Variants in PTPRG observed in about 807,000 individuals in gnomAD.
PTPRG encodes receptor-type tyrosine-protein phosphatase gamma.
In PTPRG, 102 loss-of-function variants were observed where a neutral mutation model predicts 165.3. The ratio of observed to expected loss-of-function variants is 0.62; its 90% CI spans 0.53 to 0.73. The LOEUF (loss-of-function observed/expected upper bound fraction) is 0.73. Among genes scored for constraint, PTPRG ranks in the 30% least tolerant of loss-of-function variants. PTPRG has a pLI of 0.00. For missense variants in PTPRG, 1,866 were observed against 1,861.4 expected (o/e 1.00, Z -0.05); for synonymous variants, 675 against 669.5 (o/e 1.01, Z -0.13).
At chr3:62,137,940 G>A (rs956120188) in intron 6 of PTPRG, among the ~76,000 whole-genome samples, 29 of 152,210 alleles carry the variant, frequency 1.9e-4, no homozygotes, top group African/African-American at 6.3e-4. Flanking sequence ...AATGGTTATC[G>A]CTGAGTTCTT....
chr3:61,733,468 C>A (rs200552454), intron 1 of PTPRG, among the ~76,000 whole-genome samples: 1 of 117,270 alleles, frequency 8.5e-6, no homozygotes, highest in Non-Finnish European at 1.7e-5. Context: ...GAGCATTTAT[C>A]CCAGAAAGCT....
At chr3:61,631,071 GA>G (rs910839355) in intron 1 of PTPRG, among the ~76,000 whole-genome samples, 4 of 148,680 alleles carry the variant, frequency 2.7e-5, no homozygotes, top group African/African-American at 7.4e-5. Context: ...AAAGAAAAAA[GA>G]AAAAAAAAGT....
Position 61,638,590 on chromosome 3 carries a change from A to AGTTTT in PTPRG, c.85+76219_85+76223dup, listed in dbSNP as rs1559535038. On this transcript the variant is annotated intron_variant, in intron 1 of 29. Coordinates refer to ENST00000474889, the MANE Select transcript of PTPRG (RefSeq NM_002841.4). ...CAGGCACACACCACCATGCCTGGCT[A>AGTTTT]GTTTTTTTTTTTTTTTTTTTTTTTT... Among the ~76,000 whole-genome samples the AGTTTT allele has an allele frequency of 2.2e-4, 11 of 49,424 alleles. No homozygotes were observed. In the East Asian group the frequency reaches 8.7e-3, roughly 39 times the overall value. The allele number at this position is 49,424 out of a possible 152,430, so 32.4% of individuals were successfully genotyped here. A position where few individuals can be genotyped will look rare whatever the true frequency, so the allele number is the denominator to read the frequency against.
intron 2 of PTPRG, among the ~76,000 whole-genome samples, chr3:61,778,478 G>A (rs1249722756): frequency 6.6e-6 from 1 of 152,126 alleles, no homozygotes; most frequent in South Asian, 2.1e-4. Flanking sequence ...ATGGGGGTGG[G>A]TTTGCAAAGG....
intron 1 of PTPRG, among the ~76,000 whole-genome samples, chr3:61,713,001 C>A (rs1179358255): frequency 6.6e-6 from 1 of 152,124 alleles, no homozygotes; most frequent in African/African-American, 2.4e-5. Flanking sequence ...ATACCAACTT[C>A]AGGAATTTTT....
intron 3 of PTPRG, among the ~76,000 whole-genome samples, chr3:61,994,301 G>T (rs1559734833): frequency 6.6e-6 from 1 of 151,888 alleles, no homozygotes; most frequent in Non-Finnish European, 1.5e-5. Flanking sequence ...CTATTGGGAG[G>T]GTTTTTATTT....
At chr3:61,590,960 A>G (rs1486697583) in intron 1 of PTPRG, among the ~76,000 whole-genome samples, 3 of 152,166 alleles carry the variant, frequency 2.0e-5, no homozygotes, top group Non-Finnish European at 4.4e-5. Flanking sequence ...AAATACAAAA[A>G]TTAGCCAGGT....
chr3:61,590,559 T>A (rs1700544403), intron 1 of PTPRG, among the ~76,000 whole-genome samples: 1 of 152,164 alleles, frequency 6.6e-6, no homozygotes, highest in Middle Eastern at 3.2e-3. Context: ...TACGTTTTTT[T>A]CTTAGAACAT....
At chr3:61,654,567 G>A (rs534480334) in intron 1 of PTPRG, among the ~76,000 whole-genome samples, 4 of 151,702 alleles carry the variant, frequency 2.6e-5, no homozygotes, top group South Asian at 2.1e-4. Flanking sequence ...TGTATTTTTA[G>A]TAGAGATGAG....
chr3:61,802,607 A>G (rs1373809330), intron 2 of PTPRG, among the ~76,000 whole-genome samples: 1 of 152,230 alleles, frequency 6.6e-6, no homozygotes, highest in Non-Finnish European at 1.5e-5. Flanking sequence ...TTATCCAGAT[A>G]TAATTGTTAA....
At chr3:61,835,226 C>T (rs1264308613) in intron 2 of PTPRG, among the ~76,000 whole-genome samples, 2 of 152,136 alleles carry the variant, frequency 1.3e-5, no homozygotes, top group Non-Finnish European at 2.9e-5. Flanking sequence ...TCAATATTCT[C>T]TTGAGAGAAA....
intron 4 of PTPRG, among the ~76,000 whole-genome samples, chr3:62,054,808 G>A (rs1227159983): frequency 1.3e-5 from 2 of 152,242 alleles, no homozygotes; most frequent in Non-Finnish European, 2.9e-5. Context: ...ATTCAAAGAT[G>A]TGGTTTTGCA....
chr3:62,017,757 G>A (rs2107752531), intron 4 of PTPRG, among the ~76,000 whole-genome samples: 1 of 152,278 alleles, frequency 6.6e-6, no homozygotes, highest in African/African-American at 2.4e-5. Flanking sequence ...TGTTCTTCCA[G>A]AGTGTAGCTC....
chr3:61,753,219 T>C (rs2033511884), intron 2 of PTPRG, among the ~76,000 whole-genome samples: 1 of 152,210 alleles, frequency 6.6e-6, no homozygotes, highest in African/African-American at 2.4e-5. Flanking sequence ...AAGTTATTGT[T>C]GACATAATAA....
At chr3:61,600,719 T>C (rs1447316040) in intron 1 of PTPRG, among the ~76,000 whole-genome samples, 1 of 152,096 alleles carries the variant, frequency 6.6e-6, no homozygotes, top group Non-Finnish European at 1.5e-5. Context: ...TTTAATTTTT[T>C]TGTGGAGATA....
chr3:61,600,965 C>A (rs1700848940), intron 1 of PTPRG, among the ~76,000 whole-genome samples: 1 of 152,142 alleles, frequency 6.6e-6, no homozygotes. Flanking sequence ...TTAAAAAGAG[C>A]TTTTTTGGGC....
chr3:62,263,048 G>T (rs1008065333), intron 17 of PTPRG, 154 bp downstream of exon 17: 2 of 588,240 alleles, frequency 3.4e-6, no homozygotes, highest in East Asian at 3.1e-5. Flanking sequence ...CAGTGTAGAA[G>T]TTGGGACATT....
intron 2 of PTPRG, among the ~76,000 whole-genome samples, chr3:61,783,021 G>T (rs936909772): frequency 1.3e-5 from 2 of 152,164 alleles, no homozygotes; most frequent in African/African-American, 2.4e-5. Flanking sequence ...GTCCAGGCTG[G>T]TCTAAAACTC....
At chr3:61,734,836 G>A (rs1188411670) in intron 1 of PTPRG, among the ~76,000 whole-genome samples, 1 of 152,110 alleles carries the variant, frequency 6.6e-6, no homozygotes, top group Non-Finnish European at 1.5e-5. Context: ...ATTTCACCTA[G>A]CTTCTTGTAT....
Sources: gnomAD v4.1 joint callset for allele counts (sites outside exome capture counted in the v4.1 genomes callset) on GRCh38, gnomAD v4.1.1 for gene constraint, MANE v1.5 for transcripts, NCBI Gene and HGNC (gene_info 2026-07-23, HGNC 2026-07-21) for gene names.